Variants in TENM2 observed in about 807,000 individuals in gnomAD.
TENM2 encodes teneurin transmembrane protein 2.
A neutral mutation model predicts 245.2 loss-of-function variants in TENM2; 52 were observed. The observed-to-expected ratio is 0.21, with a 90% confidence interval of 0.17 to 0.27. The LOEUF (loss-of-function observed/expected upper bound fraction) is 0.27. TENM2 is among the 10% of genes least tolerant of loss of function. The probability of loss-of-function intolerance (pLI) is 1.00; values close to 1 mark genes in which losing one functional copy is unlikely to be tolerated. For synonymous variants in TENM2, 1,363 were observed against 1,438.9 expected (o/e 0.95, Z 1.19); for missense variants, 3,046 against 3,666.8 (o/e 0.83, Z 4.37).
chr5:167,910,674 A>G (rs1211314238), intron 3 of TENM2, among the ~76,000 whole-genome samples: 2 of 152,276 alleles, frequency 1.3e-5, no homozygotes, highest in East Asian at 1.9e-4. Flanking sequence ...CAGTTTTACT[A>G]TTATTAAATC....
At chr5:168,144,824 C>T (rs1209855312) in intron 12 of TENM2, among the ~76,000 whole-genome samples, 7 of 152,008 alleles carry the variant, frequency 4.6e-5, no homozygotes, top group African/African-American at 1.4e-4. Context: ...TATTTCTCCA[C>T]ATCCTCTCCA....
rs74317715 is a variant in TENM2, at chr5:167,424,525, C to T, written c.502+49052C>T. ...ATATTTAAAAGGATAATAATTTTGC[C>T]GCAATCTCGTCACTTTTATTTTTAA... On this transcript the variant is annotated intron_variant, in intron 2 of 28. Transcript: ENST00000518659. 1.5e-3 allele frequency among the ~76,000 whole-genome samples: 235 copies of T among 152,174 alleles called. 1 individual carries two copies. The highest frequency in any genetic ancestry group is 7.5e-3 in the East Asian group (39 of 5,184).
chr5:167,001,459 A>G, the TENM2 span, among the ~76,000 whole-genome samples: 12 of 152,168 alleles, frequency 7.9e-5, no homozygotes, highest in East Asian at 1.7e-3. Context: ...GGGGTTGCAG[A>G]AAGTTTGATG....
chr5:168,205,119 G>A (rs1398411738), intron 19 of TENM2, among the ~76,000 whole-genome samples: 1 of 152,174 alleles, frequency 6.6e-6, no homozygotes, highest in Non-Finnish European at 1.5e-5. Flanking sequence ...AAGTCTGAAA[G>A]CCAGACCCCT....
chr5:167,771,223 T>TA (rs1348454306), intron 2 of TENM2, among the ~76,000 whole-genome samples: 1 of 152,116 alleles, frequency 6.6e-6, no homozygotes, highest in East Asian at 1.9e-4. Flanking sequence ...CTTTTATGTG[T>TA]AAAAGCTTGG....
At chr5:167,278,499 C>T in the TENM2 span, among the ~76,000 whole-genome samples, 18 of 152,088 alleles carry the variant, frequency 1.2e-4, no homozygotes, top group South Asian at 1.0e-3. Context: ...CTGTACTTTT[C>T]GTATCTCTGT....
At chr5:168,200,425 C>T (rs1761834272) in intron 17 of TENM2, among the ~76,000 whole-genome samples, 1 of 152,166 alleles carries the variant, frequency 6.6e-6, no homozygotes, top group South Asian at 2.1e-4. Flanking sequence ...TTAGGGAAGG[C>T]TCCTCTGCAG....
chr5:168,041,174 A>T (rs1457319611), intron 5 of TENM2, among the ~76,000 whole-genome samples: 1 of 152,140 alleles, frequency 6.6e-6, no homozygotes, highest in Non-Finnish European at 1.5e-5. Context: ...TCTGACTCTG[A>T]AGTTGCATGT....
chr5:168,190,844 T>C, intron 14 of TENM2: 1 of 244,032 alleles, frequency 4.1e-6, no homozygotes, highest in Non-Finnish European at 7.9e-6. Context: ...TATGATGTTA[T>C]TGTCATTATA....
chr5:168,093,221 C>CACAG (rs1484106976), intron 8 of TENM2, among the ~76,000 whole-genome samples: 7 of 152,152 alleles, frequency 4.6e-5, no homozygotes, highest in African/African-American at 1.7e-4. Flanking sequence ...TCCACATGGA[C>CACAG]ACAGGCATTG....
At chr5:167,760,177 T>A (rs999719438) in intron 2 of TENM2, among the ~76,000 whole-genome samples, 14 of 152,324 alleles carry the variant, frequency 9.2e-5, no homozygotes, top group African/African-American at 3.4e-4. Context: ...TCAATGGCTT[T>A]GCTCCTGGTC....
the TENM2 span, among the ~76,000 whole-genome samples, chr5:167,193,566 C>A: frequency 6.6e-6 from 1 of 151,916 alleles, no homozygotes; most frequent in East Asian, 1.9e-4. Context: ...CATAAAAATT[C>A]CTTTAACCCT....
At chr5:167,016,058 T>C in the TENM2 span, among the ~76,000 whole-genome samples, 3,609 of 151,802 alleles carry the variant, frequency 0.024, 66 homozygotes, top group South Asian at 0.086. Flanking sequence ...ATCGAGACCA[T>C]CCTAGCTAAC....
intron 3 of TENM2, among the ~76,000 whole-genome samples, chr5:167,946,751 A>G (rs776674535): frequency 6.6e-6 from 1 of 152,120 alleles, no homozygotes; most frequent in Non-Finnish European, 1.5e-5. Flanking sequence ...CTGGTGCATT[A>G]CTTAACCTCT....
chr5:167,006,023 G>A, the TENM2 span, among the ~76,000 whole-genome samples: 3 of 152,170 alleles, frequency 2.0e-5, no homozygotes, highest in East Asian at 5.8e-4. Context: ...AAGGAGGTAG[G>A]ACATGGTAGG....
At chr5:168,200,338 TCAAG>T (rs1258973376) in intron 17 of TENM2, among the ~76,000 whole-genome samples, 2 of 152,134 alleles carry the variant, frequency 1.3e-5, no homozygotes, top group Non-Finnish European at 2.9e-5. Flanking sequence ...CAAAGAAATA[TCAAG>T]CAAGATAGGT....
the TENM2 span, among the ~76,000 whole-genome samples, chr5:167,172,274 A>G: frequency 6.6e-6 from 1 of 152,326 alleles, no homozygotes; most frequent in East Asian, 1.9e-4. Flanking sequence ...TTCTGAGGAC[A>G]TCTGAGAAAA....
the TENM2 span, among the ~76,000 whole-genome samples, chr5:167,019,473 T>C: frequency 6.6e-6 from 1 of 152,128 alleles, no homozygotes; most frequent in Non-Finnish European, 1.5e-5. Flanking sequence ...TTTTGTTTTT[T>C]TTATTTTGCT....
At chr5:167,702,177 G>T (rs1399803838) in intron 2 of TENM2, among the ~76,000 whole-genome samples, 1 of 152,170 alleles carries the variant, frequency 6.6e-6, no homozygotes, top group African/African-American at 2.4e-5. Context: ...TATAATAACT[G>T]ATGACATGCT....
Sources: gnomAD v4.1 joint callset for allele counts (sites outside exome capture counted in the v4.1 genomes callset) on GRCh38, gnomAD v4.1.1 for gene constraint, MANE v1.5 for transcripts, NCBI Gene and HGNC (gene_info 2026-07-23, HGNC 2026-07-21) for gene names.